NR5A2: variants seen among roughly 807,000 people sequenced by gnomAD.
NR5A2 encodes the protein nuclear receptor subfamily 5 group A member 2, also known as CYP7A promoter-binding factor.
A neutral mutation model predicts 62.7 loss-of-function variants in NR5A2; 26 were observed. The ratio of observed to expected loss-of-function variants is 0.41; its 90% CI spans 0.30 to 0.58. NR5A2 has a LOEUF of 0.58. Ranked by LOEUF, NR5A2 falls within the 20% of genes least tolerant of loss-of-function variation. The pLI, the probability that NR5A2 is intolerant of heterozygous loss-of-function variation, is 0.22. For synonymous variants in NR5A2, 246 were observed against 241.7 expected (o/e 1.02, Z -0.16); for missense variants, 541 against 669.1 (o/e 0.81, Z 2.11).
chr1:200,083,829 G>A (rs895463922), intron 5 of NR5A2, among the ~76,000 whole-genome samples: 3 of 152,020 alleles, frequency 2.0e-5, no homozygotes, highest in Non-Finnish European at 4.4e-5. Flanking sequence ...GCCGGGCATG[G>A]TGGCTCATGC....
chr1:200,175,679 T>C lies in NR5A2; in HGVS notation c.*1469T>C, dbSNP rs1654383014. 6.6e-6 allele frequency: 1 copy of C among 152,612 alleles called. No individual in the cohort carries two copies. The highest frequency in any genetic ancestry group is 1.5e-5 in the Non-Finnish European group (1 of 68,032). The allele number at this position is 152,612 out of a possible 1,614,324, so 9.5% of individuals were successfully genotyped here. On this transcript the variant is annotated 3_prime_UTR_variant, in exon 8 of 8. Coordinates refer to ENST00000367362, the MANE Select transcript of NR5A2 (RefSeq NM_205860.3). ...CAGGGGGATCTGTGATATAACAAAA[T>C]AGCAAAAGCGGTAATTTCCTTAATG... is the stretch of plus-strand genomic sequence containing the variant.
At chr1:200,063,689 C>T (rs1663335221) in intron 5 of NR5A2, among the ~76,000 whole-genome samples, 2 of 152,102 alleles carry the variant, frequency 1.3e-5, no homozygotes, top group Non-Finnish European at 2.9e-5. Flanking sequence ...TAGTATTTTT[C>T]TTTGTTGTTG....
rs922427593 is a variant in NR5A2 at position 200,072,590 on chromosome 1, A to G, written c.1110+23772A>G. ...GGGAGTAAAATATTTGAGTGAGCCT[A>G]TATATAGGCTCTCATGTATTAAAAG... On this transcript the variant is annotated intron_variant, in intron 5 of 7. Transcript: ENST00000367362. Among the ~76,000 whole-genome samples the G allele has an allele frequency of 2.6e-5, 4 of 152,208 alleles. No individual in the cohort carries two copies. The East Asian group carries it at 5.8e-4, about 22-fold the overall frequency.
rs541933732 is a variant in NR5A2, at chr1:200,055,352, G to A, written c.1110+6534G>A. Among the ~76,000 whole-genome samples, 10 of 152,104 alleles carry A rather than the reference G, an allele frequency of 6.6e-5. No homozygotes were observed. In the South Asian group the frequency reaches 1.5e-3, roughly 22 times the overall value. On this transcript the variant is annotated intron_variant, in intron 5 of 7. Transcript: ENST00000367362. ...CTGGGATTATAGCGCCTGCCACCAC[G>A]CCTGGTTTATTTTTGTATGTTTTAG... is the stretch of plus-strand genomic sequence containing the variant.
At chr1:200,045,670 A>G in intron 4 of NR5A2, 86 bp downstream of exon 4, 1 of 1,131,276 alleles carries the variant, frequency 8.8e-7, no homozygotes, top group South Asian at 1.7e-5. Flanking sequence ...GCATGGTAAC[A>G]TTATTTTCCC....
chr1:200,051,561 G>GGTC (rs1200264920), intron 5 of NR5A2, among the ~76,000 whole-genome samples: 3 of 152,180 alleles, frequency 2.0e-5, no homozygotes, highest in African/African-American at 4.8e-5. Flanking sequence ...CAAACGTGAG[G>GGTC]GTCGTCTACA....
rs60907584 is a variant in NR5A2 at position 200,038,802 on chromosome 1, G to T, written c.65-856G>T. On this transcript the variant is annotated intron_variant, in intron 1 of 7. Coordinates refer to ENST00000367362, the MANE Select transcript of NR5A2 (RefSeq NM_205860.3). ...GACCCGGCTGCATTTACATCCCCCC[G>T]CCCCGGGCCAGGGTGGGGTGGGAGG... 1.7e-3 allele frequency: 2,171 copies of T among 1,283,924 alleles called. 39 individuals carry two copies. In the African/African-American group the frequency reaches 0.031, roughly 18 times the overall value. 79.5% of individuals were successfully genotyped at this position (1,283,924 alleles called of 1,614,324 possible).
intron 1 of NR5A2, among the ~76,000 whole-genome samples, chr1:200,037,491 G>T (rs775955998): frequency 6.6e-6 from 1 of 152,132 alleles, no homozygotes; most frequent in Non-Finnish European, 1.5e-5. Context: ...CTTAATTAAG[G>T]CTTTGAAATA....
At chr1:200,114,133 A>C (rs1265972566) in intron 6 of NR5A2, among the ~76,000 whole-genome samples, 2 of 152,128 alleles carry the variant, frequency 1.3e-5, no homozygotes, top group East Asian at 3.9e-4. Flanking sequence ...CAGTGAGCCA[A>C]GATCGTGCCA....
intron 5 of NR5A2, among the ~76,000 whole-genome samples, chr1:200,061,494 T>C (rs760618831): frequency 1.3e-5 from 2 of 152,040 alleles, no homozygotes; most frequent in Non-Finnish European, 2.9e-5. Flanking sequence ...GTCAGGCTGG[T>C]CTTGAACTCC....
Position 200,129,178 on chromosome 1 carries a change from C to A in NR5A2, c.1378+8223C>A, listed in dbSNP as rs141655180. Among the ~76,000 whole-genome samples, 4 of 152,286 alleles carry A rather than the reference C, an allele frequency of 2.6e-5. No individual in the cohort carries two copies. In the East Asian group the frequency reaches 7.7e-4, roughly 29 times the overall value. ...CAGGACCTCTGCCCAGAGCTTATAA[C>A]TCCAGCACAAGCCATCATATATGGG... On this transcript the variant is annotated intron_variant, in intron 7 of 7. Transcript: ENST00000367362.
At chr1:200,054,902 CTT>C (rs774540556) in intron 5 of NR5A2, among the ~76,000 whole-genome samples, 1 of 146,296 alleles carries the variant, frequency 6.8e-6, no homozygotes. Context: ...CTTAGTCCTA[CTT>C]TTTTTTTTTT....
chr1:200,138,464 T>C (rs1364017504), intron 7 of NR5A2, among the ~76,000 whole-genome samples: 1 of 152,200 alleles, frequency 6.6e-6, no homozygotes, highest in Non-Finnish European at 1.5e-5. Flanking sequence ...TTTTGCTTTT[T>C]AAATTTTCTT....
intron 5 of NR5A2, among the ~76,000 whole-genome samples, chr1:200,054,882 A>G (rs1337453590): frequency 6.6e-6 from 1 of 151,816 alleles, no homozygotes; most frequent in African/African-American, 2.4e-5. Flanking sequence ...TATATTCTTT[A>G]GTAAATTTAC....
chr1:200,047,475 AG>A (rs1023718188), intron 4 of NR5A2, among the ~76,000 whole-genome samples: 3 of 152,236 alleles, frequency 2.0e-5, no homozygotes. Context: ...CCCCTGCAAA[AG>A]AAAACCCCAA....
chr1:200,106,530 T>C (rs562629632), intron 5 of NR5A2, among the ~76,000 whole-genome samples: 8 of 152,322 alleles, frequency 5.3e-5, no homozygotes, highest in African/African-American at 1.7e-4. Context: ...AGCCCTTCCT[T>C]TTATTGTAGC....
intron 7 of NR5A2, among the ~76,000 whole-genome samples, chr1:200,132,621 C>T (rs548821906): frequency 6.6e-6 from 1 of 152,180 alleles, no homozygotes; most frequent in South Asian, 2.1e-4. Flanking sequence ...TTCAGTTTCC[C>T]AACTCCTCTG....
chr1:200,170,096 TTTGG>T (rs1401095225), intron 7 of NR5A2, among the ~76,000 whole-genome samples: 2 of 152,186 alleles, frequency 1.3e-5, no homozygotes, highest in East Asian at 3.8e-4. Flanking sequence ...TTGTCTAGAT[TTTGG>T]TTTTTTTAAT....
intron 6 of NR5A2, 58 bp from the exon 7 acceptor site, chr1:200,120,750 A>C (rs1666442834): frequency 1.4e-6 from 2 of 1,464,446 alleles, no homozygotes; most frequent in African/African-American, 2.9e-5. Context: ...CTTACGACTC[A>C]GGTGAAATAC....
Sources: allele counts gnomAD v4.1 joint callset (sites outside exome capture counted in the v4.1 genomes callset), GRCh38; gene constraint gnomAD v4.1.1; transcripts MANE v1.5; gene names NCBI Gene and HGNC (gene_info 2026-07-23, HGNC 2026-07-21).